Variants in CCDC88A observed in about 807,000 individuals in gnomAD.
The protein encoded by CCDC88A is coiled-coil and HOOK domain protein 88A.
Under a neutral mutation model 234.3 loss-of-function variants are expected in CCDC88A, and 54 were observed. The observed-to-expected ratio is 0.23, with a 90% CI of 0.19 to 0.29. CCDC88A has a LOEUF of 0.29. Ranked by LOEUF, CCDC88A falls within the 10% of genes least tolerant of loss-of-function variation. CCDC88A has a pLI of 1.00. For synonymous variants in CCDC88A, 753 were observed against 737.8 expected, an observed-to-expected ratio of 1.02 and a Z score of -0.33; for missense variants, 1,832 against 2,123.4, an observed-to-expected ratio of 0.86 and a Z score of 2.70.
chr2:55,388,961 TATA>T (rs1450156333), intron 2 of CCDC88A, 75 bp from the exon 3 acceptor site: 10 of 390,280 alleles, frequency 2.6e-5, no homozygotes, highest in Non-Finnish European at 4.5e-5. Flanking sequence ...AAATTAATCA[TATA>T]ATACTTTTTT....
chr2:55,355,910 C>G (rs1670508901), intron 7 of CCDC88A, 159 bp from the exon 8 acceptor site: 1 of 552,764 alleles, frequency 1.8e-6, no homozygotes, highest in South Asian at 2.9e-5. Context: ...TCTTAACTTT[C>G]ATTCAACAGT....
chr2:55,375,833 T>A (rs1349186692), intron 3 of CCDC88A, among the ~76,000 whole-genome samples: 2 of 152,006 alleles, frequency 1.3e-5, no homozygotes, highest in African/African-American at 4.8e-5. Context: ...AGGCCATATT[T>A]TTAATATAAT....
At position 55,347,606 on chromosome 2, in the gene CCDC88A, C is replaced by CTTTTTTTTTTTTTTTTTT. The variant is rs547733323; in HGVS notation, c.883-1291_883-1274dup. Reference sequence around the variant, plus strand: ...ATACCTATGTTATCTATTCATCTACCTTTTTTTTTTTTTTTTTTTTGAGAC... The same window carrying CTTTTTTTTTTTTTTTTTT: ...ATACCTATGTTATCTATTCATCTACCTTTTTTTTTTTTTTTTTTTTTTTTTTTTTTTTTTTTTTGAGAC... On this transcript the variant is annotated intron_variant, in intron 9 of 32. Coordinates refer to ENST00000436346, the MANE Select transcript of CCDC88A (RefSeq NM_001365480.1). 4.4e-4 allele frequency among the ~76,000 whole-genome samples: 45 copies of CTTTTTTTTTTTTTTTTTT among 102,150 alleles called. 5 individuals carry two copies. Among genetic ancestry groups the CTTTTTTTTTTTTTTTTTT allele is most frequent in the East Asian group, 1.4e-3 (3 of 2,084 alleles). The allele number at this position is 102,150 out of a possible 152,430, so 67.0% of individuals were successfully genotyped here.
chr2:55,346,621 T>C (rs913462088), intron 9 of CCDC88A, among the ~76,000 whole-genome samples: 6 of 152,114 alleles, frequency 3.9e-5, no homozygotes, highest in African/African-American at 7.2e-5. Flanking sequence ...AGTTTCGTCA[T>C]GTTGGCCAGG....
chr2:55,338,745 G>A (rs944557800), intron 13 of CCDC88A, among the ~76,000 whole-genome samples: 6 of 152,152 alleles, frequency 3.9e-5, no homozygotes, highest in Non-Finnish European at 8.8e-5. Context: ...AAGGATTCAG[G>A]ACCAAAGCAG....
Position 55,317,882 on chromosome 2 carries a change from T to A in CCDC88A, c.3325-41A>T. The A allele has an allele frequency of 7.5e-7, 1 of 1,336,684 alleles. No individual in the cohort carries two copies. The highest frequency in any genetic ancestry group is 1.0e-6 in the Non-Finnish European group (1 of 978,344). The allele number at this position is 1,336,684 out of a possible 1,614,324, so 82.8% of individuals were successfully genotyped here. ...TTGTTATCAGACATAAGAAAAACAG[T>A]TCATGTTCTTTTTCAAAATACAAGA... On this transcript the variant is annotated intron_variant, in intron 19 of 32. Coordinates refer to ENST00000436346, the MANE Select transcript of CCDC88A (RefSeq NM_001365480.1). The surrounding 1 kb of genome is among the most constrained non-coding windows in gnomAD (Gnocchi z 4.2).
intron 25 of CCDC88A, chr2:55,308,500 T>C (rs1156952697): frequency 3.8e-6 from 1 of 263,530 alleles, no homozygotes; most frequent in African/African-American, 2.2e-5. Flanking sequence ...TCCTGTGAAG[T>C]ATGAAGCAAA....
In CCDC88A at chr2:55,363,965, G is replaced by T. The variant is rs1428288465; in HGVS notation, c.471C>A (p.Ala157=). 6.3e-7 allele frequency: 1 copy of T among 1,593,584 alleles called. No individual in the cohort carries two copies. The highest frequency in any genetic ancestry group is 1.3e-5 in the African/African-American group (1 of 74,552). The change falls in exon 6 of 33, where the codon GCC becomes GCA. Residue 157 remains alanine (A), a synonymous_variant. Coordinates refer to ENST00000436346, the MANE Select transcript of CCDC88A (RefSeq NM_001365480.1). ...GLDFDTKAAV[A]AHIQEVTHNQ... ...ATGTCATTACCTCTTGAATATGTGC[G>T]GCAACCGCTGCTTTTGTATCAAAAT... is the stretch of plus-strand genomic sequence containing the variant.
chr2:55,318,692 T>G (rs1043360141), intron 19 of CCDC88A, 151 bp downstream of exon 19: 6 of 485,390 alleles, frequency 1.2e-5, no homozygotes, highest in African/African-American at 9.7e-5. Context: ...AAAACTGATG[T>G]GTGAAAATTT....
rs756414218 is a variant in CCDC88A at position 55,419,082 on chromosome 2, TAC to T, written c.-5_-4del. The T allele has an allele frequency of 7.5e-6, 12 of 1,601,494 alleles. No individual in the cohort carries two copies. In the African/African-American group the frequency reaches 1.1e-4, roughly 14 times the overall value. On this transcript the variant is annotated 5_prime_UTR_variant, in exon 1 of 33. Transcript: ENST00000436346. The stretch of plus-strand genomic sequence containing the variant: ...GGAGTAAAAATTTCGTTCTCCATTT[TAC>T]AGAGTATGTATTTGAAAAAAGGAAC...
At chr2:55,298,873 CAAAAA>C (rs70949101) in intron 29 of CCDC88A, among the ~76,000 whole-genome samples, 16 of 95,340 alleles carry the variant, frequency 1.7e-4, no homozygotes, top group African/African-American at 5.2e-4. Context: ...GAACCCGTCT[CAAAAA>C]AAAAAAAAAA....
At chr2:55,355,815 G>T in intron 7 of CCDC88A, 64 bp from the exon 8 acceptor site, 1 of 1,257,228 alleles carries the variant, frequency 8.0e-7, no homozygotes, top group South Asian at 1.3e-5. Flanking sequence ...ACATCAACAT[G>T]ATCCACTAGG....
intron 6 of CCDC88A, among the ~76,000 whole-genome samples, chr2:55,362,933 A>T (rs1417006047): frequency 2.0e-5 from 3 of 152,022 alleles, no homozygotes; most frequent in African/African-American, 7.2e-5. Flanking sequence ...CAATATAAAG[A>T]TCTTGAAAAG....
chr2:55,381,538 G>C (rs928268905), intron 3 of CCDC88A, among the ~76,000 whole-genome samples: 3 of 123,310 alleles, frequency 2.4e-5, no homozygotes, highest in Non-Finnish European at 4.8e-5. Flanking sequence ...GGGCAACAGA[G>C]TGAGACCCTG....
At chr2:55,377,599 A>T (rs1558772643) in intron 3 of CCDC88A, among the ~76,000 whole-genome samples, 4 of 151,780 alleles carry the variant, frequency 2.6e-5, no homozygotes, top group Non-Finnish European at 5.9e-5. Context: ...TTAATTTTTT[A>T]TTTATTTTTA....
chr2:55,307,223 G>A (rs1339853459), intron 25 of CCDC88A, among the ~76,000 whole-genome samples: 1 of 151,920 alleles, frequency 6.6e-6, no homozygotes, highest in African/African-American at 2.4e-5. Context: ...CTTTTACTTT[G>A]GTTTTACTGT....
rs1481036372 is a variant in CCDC88A at position 55,334,782 on chromosome 2, T to A, written c.2039A>T (p.Asp680Val). ...RENRKLKKTLDSFKNLTFQLE... is the reference protein window; with the variant it reads ...RENRKLKKTLVSFKNLTFQLE... The stretch of plus-strand genomic sequence containing the variant: ...CTGAAAGGTCAGATTTTTAAAGCTA[T>A]CCAATGTTTTTTTTAATTTTCTATT... The change falls in exon 15 of 33, where the codon GAT becomes GTT. Residue 680 changes from aspartate to valine, a missense_variant. This residue lies in a region of CCDC88A where 1,282 missense variants were observed against 1,543.6 expected (regional missense o/e 0.83). Transcript: ENST00000436346. The surrounding 1 kb of genome is among the most constrained non-coding windows in gnomAD (Gnocchi z 6.1). 1.3e-6 allele frequency: 2 copies of A among 1,592,528 alleles called. No homozygotes were observed. The highest frequency in any genetic ancestry group is 1.7e-6 in the Non-Finnish European group (2 of 1,172,696).
At chr2:55,363,028 A>C (rs1671517184) in intron 6 of CCDC88A, among the ~76,000 whole-genome samples, 1 of 151,988 alleles carries the variant, frequency 6.6e-6, no homozygotes, top group Admixed American at 6.5e-5. Flanking sequence ...AGCAAAAATA[A>C]TTACACTTCC....
At chr2:55,372,430 A>G in intron 5 of CCDC88A, 22 bp downstream of exon 5, 1 of 1,261,216 alleles carries the variant, frequency 7.9e-7, no homozygotes, top group East Asian at 2.3e-5. Flanking sequence ...AAATGAAAAT[A>G]TGAAAAAATA....
Sources: gnomAD v4.1 joint callset for allele counts (sites outside exome capture counted in the v4.1 genomes callset) on GRCh38, gnomAD v4.1.1 for gene constraint, gnomAD v4.1.1 regional missense constraint, Gnocchi (gnomAD v3.1) non-coding constraint, MANE v1.5 for transcripts, NCBI Gene and HGNC (gene_info 2026-07-23, HGNC 2026-07-21) for gene names.